The following SGCZ variants were observed in gnomAD, a reference collection of about 807,000 sequenced individuals.
SGCZ encodes sarcoglycan zeta.
SGCZ carries 40 observed loss-of-function variants against 41.3 expected under a neutral mutation model. That is an observed-to-expected ratio of 0.97 (90% CI 0.75 to 1.26). SGCZ has a LOEUF of 1.26. Among genes scored for constraint, SGCZ ranks in the 50% most tolerant of loss-of-function variants. The probability of loss-of-function intolerance (pLI) is 0.00; values close to 1 mark genes in which losing one functional copy is unlikely to be tolerated. For missense variants in SGCZ, 552 were observed against 369.8 expected (o/e 1.49, Z -4.04); for synonymous variants, 206 against 137.5 (o/e 1.50, Z -3.49).
chr8:14,436,389 T>G (rs1457455119), intron 2 of SGCZ, among the ~76,000 whole-genome samples: 4 of 152,218 alleles, frequency 2.6e-5, no homozygotes, highest in Non-Finnish European at 5.9e-5. Flanking sequence ...TTTTCTGAGT[T>G]AGCAATCTTC....
At chr8:14,584,665 A>G (rs187574874) in intron 1 of SGCZ, among the ~76,000 whole-genome samples, 6 of 152,246 alleles carry the variant, frequency 3.9e-5, no homozygotes, top group Non-Finnish European at 5.9e-5. Flanking sequence ...AAGCACGCTA[A>G]ATTTAATTTT....
At chr8:15,201,969 GT>G (rs1366594142) in intron 1 of SGCZ, among the ~76,000 whole-genome samples, 1 of 152,062 alleles carries the variant, frequency 6.6e-6, no homozygotes, top group East Asian at 1.9e-4. Flanking sequence ...CATTAATGTA[GT>G]TTGATTTTTT....
chr8:14,862,319 G>T (rs1803776781), intron 1 of SGCZ, among the ~76,000 whole-genome samples: 2 of 151,740 alleles, frequency 1.3e-5, no homozygotes, highest in Non-Finnish European at 2.9e-5. Context: ...ACTTTGACCA[G>T]GAGTACAACA....
intron 1 of SGCZ, among the ~76,000 whole-genome samples, chr8:14,623,556 A>G (rs1806354463): frequency 6.6e-6 from 1 of 152,208 alleles, no homozygotes; most frequent in South Asian, 2.1e-4. Flanking sequence ...GAGACTTCAA[A>G]TTTTTATTCA....
chr8:14,854,021 T>TTTTATATA (rs1394714691), intron 1 of SGCZ, among the ~76,000 whole-genome samples: 27 of 107,668 alleles, frequency 2.5e-4, no homozygotes, highest in Non-Finnish European at 1.6e-4. Context: ...TGTGATTATA[T>TTTTATATA]TATATATATA....
intron 2 of SGCZ, among the ~76,000 whole-genome samples, chr8:14,366,767 C>A (rs905944967): frequency 9.2e-5 from 14 of 152,200 alleles, no homozygotes; most frequent in African/African-American, 3.4e-4. Context: ...CAAGGCAAGT[C>A]CCTTCTACTT....
At chr8:14,309,205 G>C in intron 3 of SGCZ, 1 of 1,491,460 alleles carries the variant, frequency 6.7e-7, no homozygotes. Flanking sequence ...TGCTGCGGCT[G>C]ATCTCTAAGT....
chr8:14,212,494 G>C (rs1805844588), intron 4 of SGCZ, among the ~76,000 whole-genome samples: 1 of 144,434 alleles, frequency 6.9e-6, no homozygotes, highest in South Asian at 2.1e-4. Flanking sequence ...AAAAAAAGTT[G>C]CCAGAGCTCA....
chr8:15,080,426 T>C (rs1805697458), intron 1 of SGCZ, among the ~76,000 whole-genome samples: 1 of 152,000 alleles, frequency 6.6e-6, no homozygotes, highest in South Asian at 2.1e-4. Context: ...AAAGAGCTGG[T>C]TGGTAGTGTG....
At chr8:14,737,361 C>T (rs1308808052) in intron 1 of SGCZ, among the ~76,000 whole-genome samples, 8 of 151,916 alleles carry the variant, frequency 5.3e-5, no homozygotes, top group Non-Finnish European at 1.2e-4. Flanking sequence ...CAATTGGAAG[C>T]AAGCTAATGT....
Position 15,159,629 on chromosome 8 carries a change from T to A in SGCZ, c.39+77956A>T, listed in dbSNP as rs141217602. On this transcript the variant is annotated intron_variant, in intron 1 of 7. Coordinates refer to ENST00000382080, the MANE Select transcript of SGCZ (RefSeq NM_139167.4). ...GCAACCTCTCCCATATATTTCATCATAGAAGTCTTCCCTGTTGACTGTTTT... is the reference window on the plus strand; with the variant it reads ...GCAACCTCTCCCATATATTTCATCAAAGAAGTCTTCCCTGTTGACTGTTTT... Among the ~76,000 whole-genome samples the A allele has an allele frequency of 7.9e-3, 1,204 of 152,142 alleles. 18 individuals carry two copies. Among genetic ancestry groups the A allele is most frequent in the African/African-American group, 0.028 (1,143 of 41,518 alleles).
intron 1 of SGCZ, among the ~76,000 whole-genome samples, chr8:15,174,024 CTTTA>C (rs1291149880): frequency 1.3e-5 from 2 of 152,134 alleles, no homozygotes; most frequent in Admixed American, 1.3e-4. Context: ...ACCCGTTATA[CTTTA>C]TTTAAACATT....
At chr8:15,014,963 C>A (rs531346789) in intron 1 of SGCZ, among the ~76,000 whole-genome samples, 5 of 152,144 alleles carry the variant, frequency 3.3e-5, no homozygotes, top group African/African-American at 1.2e-4. Flanking sequence ...TGAAAAAAGG[C>A]GACCAGCATG....
chr8:14,729,660 C>G (rs1810167636), intron 1 of SGCZ, among the ~76,000 whole-genome samples: 1 of 151,994 alleles, frequency 6.6e-6, no homozygotes, highest in African/African-American at 2.4e-5. Flanking sequence ...ATCAATCAAT[C>G]AATCAATCAA....
intron 1 of SGCZ, among the ~76,000 whole-genome samples, chr8:15,005,165 G>A (rs1212768615): frequency 2.0e-5 from 3 of 151,986 alleles, no homozygotes; most frequent in East Asian, 1.9e-4. Context: ...TTCATAAAAC[G>A]TAGTACAGTC....
intron 2 of SGCZ, among the ~76,000 whole-genome samples, chr8:14,365,519 G>A (rs536498955): frequency 4.2e-4 from 64 of 152,006 alleles, no homozygotes; most frequent in African/African-American, 1.3e-3. Context: ...AGTTAATTTT[G>A]TTTATTATAG....
intron 2 of SGCZ, among the ~76,000 whole-genome samples, chr8:14,537,372 A>G (rs535546115): frequency 6.6e-6 from 1 of 151,886 alleles, no homozygotes; most frequent in Non-Finnish European, 1.5e-5. Flanking sequence ...GGGGCAACCT[A>G]TGTCAATGTG....
chr8:14,253,146 A>T (rs889693014), intron 3 of SGCZ, among the ~76,000 whole-genome samples: 1 of 152,138 alleles, frequency 6.6e-6, no homozygotes, highest in African/African-American at 2.4e-5. Flanking sequence ...AGAATAAAAC[A>T]GTAGATAACT....
chr8:14,289,626 T>C (rs1800771676), intron 3 of SGCZ, among the ~76,000 whole-genome samples: 1 of 152,094 alleles, frequency 6.6e-6, no homozygotes, highest in African/African-American at 2.4e-5. Context: ...TTGGTCATGA[T>C]AGCTTTGTAT....
Sources: allele counts gnomAD v4.1 joint callset (sites outside exome capture counted in the v4.1 genomes callset), GRCh38; gene constraint gnomAD v4.1.1; transcripts MANE v1.5; gene names NCBI Gene and HGNC (gene_info 2026-07-23, HGNC 2026-07-21).